The following AQR variants were observed in gnomAD, a reference collection of about 807,000 sequenced individuals.
AQR encodes aquarius intron-binding spliceosomal factor, also known as RNA helicase aquarius.
Under a neutral mutation model 180.5 loss-of-function variants are expected in AQR, and 61 were observed. The ratio of observed to expected loss-of-function variants is 0.34; its 90% CI spans 0.28 to 0.42. The LOEUF (loss-of-function observed/expected upper bound fraction) is 0.42. Ranked by LOEUF, AQR falls within the 10% of genes least tolerant of loss-of-function variation. AQR has a pLI of 1.00. For synonymous variants in AQR, 551 were observed against 588.8 expected, an observed-to-expected ratio of 0.94 and a Z score of 0.93; for missense variants, 1,281 against 1,798.3, an observed-to-expected ratio of 0.71 and a Z score of 5.20.
chr15:34,852,792 T>C lies in AQR; in HGVS notation c.*4000A>G, dbSNP rs1327651983. 1 of 152,234 alleles carries C rather than the reference T, an allele frequency of 6.6e-6. No individual in the cohort carries two copies. Among genetic ancestry groups the C allele is most frequent in the Non-Finnish European group, 1.5e-5 (1 of 68,042 alleles). 9.4% of individuals were successfully genotyped at this position (152,234 alleles called of 1,614,324 possible). A position where few individuals can be genotyped will look rare whatever the true frequency, so the allele number is the denominator to read the frequency against. ...TTTTCAAGAGTAGTATTTTCTGTAATATATGATGAAAAATAATCGTATCGG... is the reference window on the plus strand; with the variant it reads ...TTTTCAAGAGTAGTATTTTCTGTAACATATGATGAAAAATAATCGTATCGG... On this transcript the variant is annotated 3_prime_UTR_variant, in exon 35 of 35. Coordinates refer to ENST00000156471, the MANE Select transcript of AQR (RefSeq NM_014691.3).
At chr15:34,905,586 G>C (rs555190436) in intron 18 of AQR, among the ~76,000 whole-genome samples, 1 of 150,556 alleles carries the variant, frequency 6.6e-6, no homozygotes, top group South Asian at 2.1e-4. Flanking sequence ...CTCTATCCCG[G>C]TCATTTGAAA....
At chr15:34,920,215 G>A (rs2140486161) in intron 14 of AQR, 117 bp downstream of exon 14, 3 of 642,934 alleles carry the variant, frequency 4.7e-6, no homozygotes, top group Non-Finnish European at 7.8e-6. Flanking sequence ...AAACAAAATG[G>A]GAATTATCTG....
In AQR at chr15:34,891,705, T is replaced by C. The variant is rs561247703; in HGVS notation, c.2572-1381A>G. ...AATTATTCTGTTCATTTTAAGAATT[T>C]ACAATAGGTTTTTACAGAACAAATT... On this transcript the variant is annotated intron_variant, in intron 23 of 34. Transcript: ENST00000156471. Among the ~76,000 whole-genome samples the C allele has an allele frequency of 2.6e-4, 40 of 152,260 alleles. No individual in the cohort carries two copies. In the South Asian group the frequency reaches 8.1e-3, roughly 31 times the overall value.
chr15:34,950,370 A>G (rs552703211), intron 4 of AQR, among the ~76,000 whole-genome samples: 154 of 151,928 alleles, frequency 1.0e-3, no homozygotes, highest in Middle Eastern at 3.4e-3. Context: ...TTACAGGTGT[A>G]AGCCACCACT....
At position 34,941,984 on chromosome 15, in the gene AQR, T is replaced by C. The variant is rs761134806; in HGVS notation, c.540+28A>G. ...CACGTTCTACTTATAACACATACAT[T>C]CATAAGACTCTGAAATTAGAGACTT... is the stretch of plus-strand genomic sequence containing the variant. On this transcript the variant is annotated intron_variant, in intron 7 of 34. Coordinates refer to ENST00000156471, the MANE Select transcript of AQR (RefSeq NM_014691.3). 78 of 1,570,810 alleles carry C rather than the reference T, an allele frequency of 5.0e-5. No homozygotes were observed. In the Middle Eastern group the frequency reaches 5.0e-4, roughly 10 times the overall value.
intron 15 of AQR, among the ~76,000 whole-genome samples, chr15:34,915,632 A>G (rs566463399): frequency 7.9e-5 from 12 of 152,256 alleles, no homozygotes; most frequent in African/African-American, 2.9e-4. Flanking sequence ...AAACCAGATT[A>G]ATAAATGTTG....
intron 13 of AQR, among the ~76,000 whole-genome samples, chr15:34,922,639 G>A (rs538016829): frequency 3.3e-5 from 5 of 151,888 alleles, no homozygotes; most frequent in East Asian, 1.9e-4. Flanking sequence ...CTGCGGCCTC[G>A]ATCTCCTGGG....
At chr15:34,925,695 T>C (rs1027508782) in intron 13 of AQR, among the ~76,000 whole-genome samples, 3 of 151,858 alleles carry the variant, frequency 2.0e-5, no homozygotes, top group East Asian at 3.9e-4. Flanking sequence ...TAGCTGGGCA[T>C]GGTGGCGTGT....
chr15:34,949,001 T>C (rs1000999974), intron 4 of AQR, among the ~76,000 whole-genome samples: 14 of 151,982 alleles, frequency 9.2e-5, no homozygotes, highest in Non-Finnish European at 1.5e-4. Flanking sequence ...GCTTTTTTTT[T>C]GTTTTTTTGA....
At chr15:34,867,186 A>G (rs1015792046) in intron 32 of AQR, among the ~76,000 whole-genome samples, 1 of 152,124 alleles carries the variant, frequency 6.6e-6, no homozygotes, top group South Asian at 2.1e-4. Context: ...ATACAATGAA[A>G]ATTTATTCTG....
chr15:34,877,274 T>C (rs999655199), intron 27 of AQR, among the ~76,000 whole-genome samples: 1 of 152,234 alleles, frequency 6.6e-6, no homozygotes, highest in Admixed American at 6.5e-5. Flanking sequence ...TTTGGTACAA[T>C]ACCTTCTTCT....
At chr15:34,867,646 A>G in intron 31 of AQR, 37 bp from the exon 32 acceptor site, 2 of 1,448,592 alleles carry the variant, frequency 1.4e-6, no homozygotes, top group South Asian at 2.3e-5. Flanking sequence ...TGCATTTGCA[A>G]AAGCCAAAAG....
intron 27 of AQR, 23 bp downstream of exon 27, chr15:34,882,479 A>AC (rs1327829800): frequency 1.4e-6 from 2 of 1,461,716 alleles, no homozygotes; most frequent in Non-Finnish European, 1.8e-6. Flanking sequence ...AAAAAAAAAA[A>AC]AAAAACTACC....
chr15:34,963,853 T>C (rs7165260), intron 2 of AQR, among the ~76,000 whole-genome samples: 1,307 of 88,416 alleles, frequency 0.015, 28 homozygotes, highest in African/African-American at 0.045. Context: ...TTAGTAGAGA[T>C]GGGGTTTCAC....
chr15:34,961,765 C>G (rs1566792740), intron 2 of AQR, among the ~76,000 whole-genome samples: 1 of 151,462 alleles, frequency 6.6e-6, no homozygotes, highest in Non-Finnish European at 1.5e-5. Flanking sequence ...TAGGCAAGTG[C>G]CTGACCTCTC....
intron 14 of AQR, among the ~76,000 whole-genome samples, chr15:34,919,692 T>C (rs1893654050): frequency 6.6e-6 from 1 of 150,806 alleles, no homozygotes; most frequent in Non-Finnish European, 1.5e-5. Flanking sequence ...AGGCCAGGAG[T>C]TCAAGACCAG....
chr15:34,924,774 T>C (rs1595798913), intron 13 of AQR, among the ~76,000 whole-genome samples: 1 of 152,150 alleles, frequency 6.6e-6, no homozygotes, highest in Admixed American at 6.5e-5. Flanking sequence ...TTAAAATCTT[T>C]CCAGTTTTTA....
chr15:34,962,815 T>C (rs1005560880), intron 2 of AQR, among the ~76,000 whole-genome samples: 4 of 151,882 alleles, frequency 2.6e-5, no homozygotes, highest in African/African-American at 4.8e-5. Flanking sequence ...AACAAATATA[T>C]ATTCGTAAGA....
At position 34,856,936 on chromosome 15, in the gene AQR, G is replaced by A; in HGVS notation, c.4314C>T (p.Thr1438=). ...TGGAAGTGGCTCCTGTCTCACTGGG[G>A]GTGGTGTCAGTTTGAAAGGCTGGAG... is the stretch of plus-strand genomic sequence containing the variant. ...QETPAFQTDT[T]PSETGATSTP... The change falls in exon 35 of 35, where the codon ACC becomes ACT. Residue 1438 remains threonine (T), a synonymous_variant. Transcript: ENST00000156471. 15 of 1,614,052 alleles carry A rather than the reference G, an allele frequency of 9.3e-6. No homozygotes were observed. Among genetic ancestry groups the A allele is most frequent in the Non-Finnish European group, 1.2e-5 (14 of 1,179,990 alleles).
Sources: allele counts gnomAD v4.1 joint callset (sites outside exome capture counted in the v4.1 genomes callset), GRCh38; gene constraint gnomAD v4.1.1; transcripts MANE v1.5; gene names NCBI Gene and HGNC (gene_info 2026-07-23, HGNC 2026-07-21).